HSPA2: variants seen among roughly 807,000 people sequenced by gnomAD.
HSPA2 encodes heat shock protein family A (Hsp70) member 2.
In HSPA2, 13 loss-of-function variants were observed where a neutral mutation model predicts 35.0. The ratio of observed to expected loss-of-function variants is 0.37; its 90% CI spans 0.24 to 0.59. The LOEUF is 0.59. Ranked by LOEUF, HSPA2 falls within the 20% of genes least tolerant of loss-of-function variation. HSPA2 has a pLI of 0.70. For synonymous variants in HSPA2, 368 were observed against 382.1 expected (o/e 0.96, Z 0.43); for missense variants, 565 against 885.4 (o/e 0.64, Z 4.59).
At position 64,542,167 on chromosome 14, in the gene HSPA2, A is replaced by C; in HGVS notation, c.1318A>C (p.Ser440Arg). The change falls in exon 1 of 1, where the codon AGC (serine) becomes CGC (arginine). Residue 440 changes from serine to arginine, a missense_variant. Physicochemically the swap from Ser to Arg is moderately radical, Grantham distance 110. Transcript: ENST00000247207. The surrounding 1 kb of genome is among the most constrained non-coding windows in gnomAD (Gnocchi z 5.7). ...CACCACCTACTCGGACAACCAGAGC[A>C]GCGTACTGGTGCAGGTATACGAGGG... ...TFTTYSDNQSSVLVQVYEGER... is the reference protein window; with the variant it reads ...TFTTYSDNQSRVLVQVYEGER... The C allele has an allele frequency of 1.2e-6, 2 of 1,613,792 alleles. No homozygotes were observed. The highest frequency in any genetic ancestry group is 1.7e-6 in the Non-Finnish European group (2 of 1,179,986).
Position 64,541,228 on chromosome 14 carries a change from A to G in HSPA2, c.379A>G (p.Lys127Glu). The part of the protein sequence containing the change: ...PEEISSMVLT[K>E]MKEIAEAYLG... ...GGAGATATCCTCCATGGTCCTCACG[A>G]AGATGAAGGAGATCGCGGAAGCCTA... The change falls in exon 1 of 1, where the codon AAG becomes GAG. Residue 127 changes from lysine to glutamate, a missense_variant. This residue lies in a region of HSPA2 where 183 missense variants were observed against 281.6 expected (regional missense o/e 0.65). Coordinates refer to ENST00000247207, the MANE Select transcript of HSPA2 (RefSeq NM_021979.4). 2 of 1,614,112 alleles carry G rather than the reference A, an allele frequency of 1.2e-6. No individual in the cohort carries two copies. The highest frequency in any genetic ancestry group is 1.7e-6 in the Non-Finnish European group (2 of 1,180,024).
At chr14:64,539,563 C>A (rs1305683751), upstream of HSPA2, among the ~76,000 whole-genome samples, 21 of 152,370 alleles carry the variant, frequency 1.4e-4, no homozygotes, top group Admixed American at 1.2e-3. Flanking sequence ...GCAGGCTCCT[C>A]GGAGGACAAG....
chr14:64,542,738 C>G lies in HSPA2; in HGVS notation c.1889C>G (p.Ser630Cys). 1 of 1,612,018 alleles carries G rather than the reference C, an allele frequency of 6.2e-7. No homozygotes were observed. Among genetic ancestry groups the G allele is most frequent in the Non-Finnish European group, 8.5e-7 (1 of 1,179,008 alleles). The part of the protein sequence containing the change: ...GGSGGGGSGA[S>C]GGPTIEEVD ...AGCGGCGGCGGCGGTTCAGGAGCCT[C>G]CGGGGGACCCACCATCGAAGAAGTG... Residue 630 changes from serine (S) to cysteine (C), a missense_variant, in exon 1 of 1, where the codon TCC (serine) becomes TGC (cysteine). Coordinates refer to ENST00000247207, the MANE Select transcript of HSPA2 (RefSeq NM_021979.4). This position sits in a 1 kb window ranked among gnomAD's most constrained non-coding sequence, Gnocchi z 5.7.
chr14:64,537,734 TC>T (rs11367326), upstream of HSPA2, among the ~76,000 whole-genome samples: 87,746 of 142,180 alleles, frequency 0.62, 28,583 homozygotes, highest in East Asian at 0.84. Context: ...CTTTTCTTTT[TC>T]TTTTTTTTTT....
At position 64,542,427 on chromosome 14, in the gene HSPA2, G is replaced by A. The variant is rs764742296; in HGVS notation, c.1578G>A (p.Glu526=). 51 of 1,613,792 alleles carry A rather than the reference G, an allele frequency of 3.2e-5. No individual in the cohort carries two copies. Among genetic ancestry groups the A allele is most frequent in the Non-Finnish European group, 3.7e-5 (44 of 1,179,992 alleles). Residue 526 remains glutamate (E), a synonymous_variant, in exon 1 of 1, where the codon GAG becomes GAA. Transcript: ENST00000247207. The surrounding 1 kb of genome is among the most constrained non-coding windows in gnomAD (Gnocchi z 5.7). The part of the protein sequence containing the change: ...DDIDRMVQEA[E]RYKSEDEANR... ...TTGACCGGATGGTGCAGGAGGCGGA[G>A]CGGTACAAATCGGAAGATGAGGCGA...
rs1361136390 is a variant in HSPA2, at chr14:64,540,951, G to A, written c.102G>A (p.Gln34=). Residue 34 remains glutamine, a synonymous_variant, in exon 1 of 1, where the codon CAG becomes CAA. Transcript: ENST00000247207. ...AGGTGGAGATCATCGCCAACGACCA[G>A]GGCAATCGCACCACCCCCAGCTACG... ...HGKVEIIAND[Q]GNRTTPSYVA... 1.2e-6 allele frequency: 2 copies of A among 1,614,004 alleles called. No homozygotes were observed. The highest frequency in any genetic ancestry group is 1.7e-6 in the Non-Finnish European group (2 of 1,180,044).
At chr14:64,540,577 G>T (rs1289463682), upstream of HSPA2, 94 of 497,458 alleles carry the variant, frequency 1.9e-4, 1 homozygote, top group East Asian at 3.3e-3. Context: ...CCGGAGTCCC[G>T]CCCCTCGTCC....
chr14:64,537,334 G>C (rs2079987161), upstream of HSPA2, among the ~76,000 whole-genome samples: 1 of 152,186 alleles, frequency 6.6e-6, no homozygotes, highest in South Asian at 2.1e-4. Context: ...ACTCAGGCCT[G>C]TAATCCCAGC....
rs1447851502 is a variant in HSPA2 at position 64,542,051 on chromosome 14, C to T, written c.1202C>T (p.Pro401Leu). The T allele has an allele frequency of 1.2e-6, 2 of 1,613,676 alleles. No individual in the cohort carries two copies. The highest frequency in any genetic ancestry group is 2.2e-5 in the East Asian group (1 of 44,856). ...VQDLLLLDVT[P>L]LSLGIETAGG... ...GACCTGCTGCTACTCGACGTGACCC[C>T]GTTGTCGCTGGGCATCGAGACAGCT... Residue 401 changes from proline to leucine, a missense_variant, in exon 1 of 1, where the codon CCG (proline) becomes CTG (leucine). By Grantham distance (98) the Pro-to-Leu change is moderately conservative. Around this residue, in one of 4 missense-constraint regions of HSPA2, gnomAD observed 234 missense variants for 419.0 expected, o/e 0.56. Transcript: ENST00000247207. This position sits in a 1 kb window ranked among gnomAD's most constrained non-coding sequence, Gnocchi z 5.7.
chr14:64,540,543 C>A, upstream of HSPA2: 1 of 419,700 alleles, frequency 2.4e-6, no homozygotes, highest in Non-Finnish European at 4.3e-6. Flanking sequence ...ACATAACGGC[C>A]GCCCCTCTGT....
In HSPA2 at chr14:64,541,060, G is replaced by A. The variant is rs756808874; in HGVS notation, c.211G>A (p.Ala71Thr). ...GAACCCCACCAACACCATCTTCGAC[G>A]CCAAGAGGCTGATTGGACGGAAATT... ...AMNPTNTIFDAKRLIGRKFED... is the reference protein window; with the variant it reads ...AMNPTNTIFDTKRLIGRKFED... Residue 71 changes from alanine to threonine, a missense_variant, in exon 1 of 1, where the codon GCC becomes ACC. Ala to Thr is a moderately conservative substitution (Grantham distance 58). This residue lies in a region of HSPA2 where 183 missense variants were observed against 281.6 expected (regional missense o/e 0.65). Transcript: ENST00000247207. The A allele has an allele frequency of 4.3e-6, 7 of 1,614,078 alleles. No homozygotes were observed. The highest frequency in any genetic ancestry group is 5.9e-6 in the Non-Finnish European group (7 of 1,180,048).
Position 64,541,380 on chromosome 14 carries a change from C to T in HSPA2, c.531C>T (p.Pro177=). The change falls in exon 1 of 1, where the codon CCC becomes CCT. Residue 177 remains proline, a synonymous_variant. Transcript: ENST00000247207. ...GLNVLRIINE[P]TAAAIAYGLD... ...ATGTGCTGCGCATCATCAACGAGCC[C>T]ACGGCGGCGGCCATCGCCTACGGCC... 1 of 1,612,094 alleles carries T rather than the reference C, an allele frequency of 6.2e-7. No individual in the cohort carries two copies. The highest frequency in any genetic ancestry group is 8.5e-7 in the Non-Finnish European group (1 of 1,179,946).
At position 64,542,571 on chromosome 14, in the gene HSPA2, C is replaced by G. The variant is rs779055791; in HGVS notation, c.1722C>G (p.Leu574=). The stretch of plus-strand genomic sequence containing the variant: ...GCGAGCAGGACAAAAACAAGATCCT[C>G]GACAAGTGTCAGGAGGTGATCAACT... ...KISEQDKNKI[L]DKCQEVINWL... The change falls in exon 1 of 1, where the codon CTC becomes CTG. Residue 574 remains leucine (L), a synonymous_variant. Coordinates refer to ENST00000247207, the MANE Select transcript of HSPA2 (RefSeq NM_021979.4). The surrounding 1 kb of genome is among the most constrained non-coding windows in gnomAD (Gnocchi z 5.7). The G allele has an allele frequency of 2.5e-6, 4 of 1,613,472 alleles. No individual in the cohort carries two copies. The highest frequency in any genetic ancestry group is 1.1e-5 in the South Asian group (1 of 91,074).
upstream of HSPA2, among the ~76,000 whole-genome samples, chr14:64,539,682 T>G (rs1172483484): frequency 6.1e-5 from 8 of 131,644 alleles, no homozygotes; most frequent in African/African-American, 1.3e-4. Flanking sequence ...GGCAGTGGGG[T>G]TTTTTTTTGT....
At chr14:64,540,305 G>T (rs1320689442), upstream of HSPA2, 1 of 177,066 alleles carries the variant, frequency 5.6e-6, no homozygotes, top group East Asian at 1.7e-4. Flanking sequence ...CTCTCCCAGT[G>T]GCTCTCCTCA....
chr14:64,542,359 A>C lies in HSPA2; in HGVS notation c.1510A>C (p.Ile504Leu), dbSNP rs2080040344. The C allele has an allele frequency of 6.2e-7, 1 of 1,613,792 alleles. No individual in the cohort carries two copies. The highest frequency in any genetic ancestry group is 1.3e-5 in the African/African-American group (1 of 74,846). ...ADKSTGKENK[I>L]TITNDKGRLS... ...CAAGAGCACCGGTAAGGAAAACAAA[A>C]TCACCATCACCAATGACAAAGGTCG... The change falls in exon 1 of 1, where the codon ATC (isoleucine) becomes CTC (leucine). Residue 504 changes from isoleucine (I) to leucine (L), a missense_variant. Coordinates refer to ENST00000247207, the MANE Select transcript of HSPA2 (RefSeq NM_021979.4). This position sits in a 1 kb window ranked among gnomAD's most constrained non-coding sequence, Gnocchi z 5.7.
chr14:64,540,029 G>A (rs1441709727), upstream of HSPA2, among the ~76,000 whole-genome samples: 2 of 152,204 alleles, frequency 1.3e-5, no homozygotes, highest in Non-Finnish European at 2.9e-5. Flanking sequence ...ACGCAGTGAA[G>A]CACCCACCAT....
Position 64,542,952 on chromosome 14 carries a change from A to C in HSPA2, c.*183A>C. 1.9e-6 allele frequency: 2 copies of C among 1,073,908 alleles called. No individual in the cohort carries two copies. Among genetic ancestry groups the C allele is most frequent in the Non-Finnish European group, 2.6e-6 (2 of 762,168 alleles). 66.5% of individuals were successfully genotyped at this position (1,073,908 alleles called of 1,614,324 possible). A position where few individuals can be genotyped will look rare whatever the true frequency, so the allele number is the denominator to read the frequency against. ...ATAAAAGTTCCAAAGTTTGTTTTTT[A>C]AAAACATTATTCGAGGTTTCTCTTT... On this transcript the variant is annotated 3_prime_UTR_variant, in exon 1 of 1. Coordinates refer to ENST00000247207, the MANE Select transcript of HSPA2 (RefSeq NM_021979.4). The surrounding 1 kb of genome is among the most constrained non-coding windows in gnomAD (Gnocchi z 5.7).
At position 64,542,368 on chromosome 14, in the gene HSPA2, AC is replaced by A. The variant is rs1265726623; in HGVS notation, c.1521del (p.Asn508MetfsTer6). 6.2e-7 allele frequency: 1 copy of A among 1,613,596 alleles called. No homozygotes were observed. Among genetic ancestry groups the A allele is most frequent in the Non-Finnish European group, 8.5e-7 (1 of 1,179,904 alleles). ...CGGTAAGGAAAACAAAATCACCATC[AC>A]CAATGACAAAGGTCGTCTGAGCAAG... ...STGKENKITITNDKGRLSKDD... is the reference protein window; with the variant it reads ...STGKENKITIXNDKGRLSKDD... On this transcript the variant is annotated frameshift_variant, in exon 1 of 1. Coordinates refer to ENST00000247207, the MANE Select transcript of HSPA2 (RefSeq NM_021979.4). LOFTEE classifies it high-confidence loss of function. The surrounding 1 kb of genome is among the most constrained non-coding windows in gnomAD (Gnocchi z 5.7).
Sources: gnomAD v4.1 joint callset for allele counts (sites outside exome capture counted in the v4.1 genomes callset) on GRCh38, gnomAD v4.1.1 for gene constraint, gnomAD v4.1.1 regional missense constraint, Gnocchi (gnomAD v3.1) non-coding constraint, MANE v1.5 for transcripts, NCBI Gene and HGNC (gene_info 2026-07-23, HGNC 2026-07-21) for gene names.